The following GTF2A1L variants were observed in gnomAD, a reference collection of about 807,000 sequenced individuals.
The protein encoded by GTF2A1L is TFIIA-alpha and beta-like factor.
In GTF2A1L, 48 loss-of-function variants were observed where a neutral mutation model predicts 49.7. The observed-to-expected ratio is 0.97, with a 90% CI of 0.77 to 1.23. GTF2A1L has a LOEUF of 1.23. GTF2A1L is among the 50% of genes most tolerant of loss of function. The pLI, the probability that GTF2A1L is intolerant of heterozygous loss-of-function variation, is 0.00. For missense variants in GTF2A1L, 736 were observed against 564.8 expected (o/e 1.30, Z -3.07); for synonymous variants, 246 against 193.5 (o/e 1.27, Z -2.25).
rs185756045 is a variant in GTF2A1L, at chr2:48,655,595, C to A, written c.978+8553C>A. On this transcript the variant is annotated intron_variant, in intron 6 of 8. Transcript: ENST00000403751. ...AAGAGGTTGTGCCAGTTTTTCCTGC[C>A]ACCAGTACTTTGATCAGTTTTGCCA... is the stretch of plus-strand genomic sequence containing the variant. Among the ~76,000 whole-genome samples, 444 of 152,284 alleles carry A rather than the reference C, an allele frequency of 2.9e-3. 8 individuals carry two copies. Among genetic ancestry groups the A allele is most frequent in the Non-Finnish European group, 2.0e-3 (133 of 68,022 alleles).
At chr2:48,659,087 T>A (rs1678343900) in intron 6 of GTF2A1L, among the ~76,000 whole-genome samples, 1 of 152,114 alleles carries the variant, frequency 6.6e-6, no homozygotes, top group Admixed American at 6.6e-5. Context: ...CCTTTGTACA[T>A]GACTTGACTT....
chr2:48,656,060 A>G (rs1572749182), intron 6 of GTF2A1L, among the ~76,000 whole-genome samples: 3 of 152,256 alleles, frequency 2.0e-5, no homozygotes, highest in Admixed American at 2.0e-4. Flanking sequence ...TATATACTGC[A>G]TTTTGTTTAT....
intron 3 of GTF2A1L, among the ~76,000 whole-genome samples, chr2:48,639,807 G>T (rs1677104180): frequency 6.6e-6 from 1 of 152,080 alleles, no homozygotes; most frequent in Non-Finnish European, 1.5e-5. Context: ...TCTGACAAAG[G>T]TCTAATATCC....
intron 1 of GTF2A1L, 112 bp from the exon 2 acceptor site, chr2:48,620,739 C>T (rs566101844): frequency 3.9e-5 from 24 of 618,732 alleles, no homozygotes; most frequent in African/African-American, 2.0e-4. Flanking sequence ...TTCGTGCCAC[C>T]GCACTCCAGC....
At chr2:48,622,346 T>C (rs1225848613) in intron 3 of GTF2A1L, among the ~76,000 whole-genome samples, 1 of 152,262 alleles carries the variant, frequency 6.6e-6, no homozygotes, top group Non-Finnish European at 1.5e-5. Flanking sequence ...CTTGGCAGTT[T>C]TAATTGTTGA....
Position 48,642,396 on chromosome 2 carries a change from A to T in GTF2A1L, c.248-6A>T. Reference sequence around the variant, plus strand: ...TGAATGTATATTTATTTTGTTTCCTATGCAGCATCATTAGTTATTCCTGCT... The same window carrying T: ...TGAATGTATATTTATTTTGTTTCCTTTGCAGCATCATTAGTTATTCCTGCT... On this transcript the variant is annotated splice_region_variant and splice_polypyrimidine_tract_variant and intron_variant, in intron 3 of 8. Coordinates refer to ENST00000403751, the MANE Select transcript of GTF2A1L (RefSeq NM_006872.5). The T allele has an allele frequency of 1.3e-6, 2 of 1,585,486 alleles. No homozygotes were observed. The highest frequency in any genetic ancestry group is 1.3e-5 in the African/African-American group (1 of 74,858).
At chr2:48,642,552 C>T in intron 4 of GTF2A1L, 95 bp downstream of exon 4, 1 of 1,221,290 alleles carries the variant, frequency 8.2e-7, no homozygotes, top group African/African-American at 1.5e-5. Flanking sequence ...TCTTACCCTC[C>T]AGTTGAAAGT....
chr2:48,652,263 G>C (rs962656706), intron 6 of GTF2A1L, among the ~76,000 whole-genome samples: 2 of 152,102 alleles, frequency 1.3e-5, no homozygotes, highest in Non-Finnish European at 2.9e-5. Context: ...TAGAAGCTCT[G>C]ATTCATTTTT....
At chr2:48,676,809 ATATATCTATATC>A (rs570291396) in intron 8 of GTF2A1L, among the ~76,000 whole-genome samples, 232 of 151,592 alleles carry the variant, frequency 1.5e-3, no homozygotes, top group South Asian at 3.3e-3. Context: ...ATATATATCT[ATATATCTATATC>A]TATATCTATA....
At chr2:48,664,093 A>G (rs1231820131) in intron 6 of GTF2A1L, among the ~76,000 whole-genome samples, 3 of 152,126 alleles carry the variant, frequency 2.0e-5, no homozygotes, top group Admixed American at 2.0e-4. Context: ...ATTTTGATGA[A>G]TAAAAAAAAA....
chr2:48,670,444 C>A (rs780742936), intron 7 of GTF2A1L, among the ~76,000 whole-genome samples: 1 of 151,874 alleles, frequency 6.6e-6, no homozygotes, highest in Non-Finnish European at 1.5e-5. Context: ...TAATTTAAAA[C>A]CAATAATAAA....
chr2:48,646,691 C>T lies in GTF2A1L; in HGVS notation c.627C>T (p.His209=), dbSNP rs748059713. The part of the protein sequence containing the change: ...ILPSGPVDRK[H]LENATSDILV... Reference sequence around the variant, plus strand: ...CTTCTGGGCCAGTAGATAGGAAACACTTAGAAAATGCCACCAGTGATATAC... The same window carrying T: ...CTTCTGGGCCAGTAGATAGGAAACATTTAGAAAATGCCACCAGTGATATAC... The change falls in exon 6 of 9, where the codon CAC becomes CAT. Residue 209 remains histidine (H), a synonymous_variant. Coordinates refer to ENST00000403751, the MANE Select transcript of GTF2A1L (RefSeq NM_006872.5). The T allele has an allele frequency of 2.5e-6, 4 of 1,614,146 alleles. No individual in the cohort carries two copies. In the South Asian group the frequency reaches 4.4e-5, roughly 18 times the overall value.
chr2:48,637,671 T>A (rs1261709010), intron 3 of GTF2A1L, among the ~76,000 whole-genome samples: 1 of 152,094 alleles, frequency 6.6e-6, no homozygotes, highest in African/African-American at 2.4e-5. Context: ...ATTCAAAAGA[T>A]TAATGAATCC....
intron 8 of GTF2A1L, among the ~76,000 whole-genome samples, chr2:48,672,375 T>A (rs947757220): frequency 6.6e-6 from 1 of 152,162 alleles, no homozygotes; most frequent in Non-Finnish European, 1.5e-5. Flanking sequence ...ATATCCTGAA[T>A]GCTAGTAGGA....
intron 8 of GTF2A1L, 96 bp from the exon 9 acceptor site, chr2:48,679,239 T>A: frequency 6.8e-7 from 1 of 1,472,962 alleles, no homozygotes; most frequent in Admixed American, 2.5e-5. Flanking sequence ...GCACTCACAT[T>A]TCGGGTGAGA....
intron 6 of GTF2A1L, among the ~76,000 whole-genome samples, chr2:48,648,962 C>T (rs1251335016): frequency 1.3e-5 from 2 of 152,050 alleles, no homozygotes; most frequent in Admixed American, 1.3e-4. Context: ...TAACTTAAAG[C>T]AAGTTATAAT....
chr2:48,620,699 C>G, intron 1 of GTF2A1L, 152 bp from the exon 2 acceptor site: 1 of 310,126 alleles, frequency 3.2e-6, no homozygotes, highest in Non-Finnish European at 4.9e-6. Context: ...ATTGCTTGAA[C>G]CTGGGACGTG....
In GTF2A1L at chr2:48,669,804, A is replaced by T. The variant is rs755383067; in HGVS notation, c.1061A>T (p.Asp354Val). The T allele has an allele frequency of 8.1e-6, 13 of 1,613,984 alleles. No homozygotes were observed. Among genetic ancestry groups the T allele is most frequent in the Middle Eastern group, 1.6e-4 (1 of 6,080 alleles). Reference sequence around the variant, plus strand: ...ATAATTCAAGTAGATGGAAGCGGTGATACATCTTCCAATGAAGAAATAGGA... The same window carrying T: ...ATAATTCAAGTAGATGGAAGCGGTGTTACATCTTCCAATGAAGAAATAGGA... ...GEIIQVDGSG[D>V]TSSNEEIGST... The change falls in exon 7 of 9, where the codon GAT becomes GTT. Residue 354 changes from aspartate (D) to valine (V), a missense_variant. By Grantham distance (152) the Asp-to-Val change is radical. Coordinates refer to ENST00000403751, the MANE Select transcript of GTF2A1L (RefSeq NM_006872.5).
intron 7 of GTF2A1L, 132 bp from the exon 8 acceptor site, chr2:48,671,459 C>T (rs1020571937): frequency 8.4e-6 from 7 of 829,506 alleles, no homozygotes; most frequent in Non-Finnish European, 1.3e-5. Flanking sequence ...CTGCCTAGGC[C>T]TCCCGTAGTG....
Sources: allele counts gnomAD v4.1 joint callset (sites outside exome capture counted in the v4.1 genomes callset), GRCh38; gene constraint gnomAD v4.1.1; transcripts MANE v1.5; gene names NCBI Gene and HGNC (gene_info 2026-07-23, HGNC 2026-07-21).